The following MUCL1 variants were observed in gnomAD, a reference collection of about 807,000 sequenced individuals.
MUCL1 encodes the protein mucin like 1, also known as mucin-like protein 1.
MUCL1 carries 11 observed loss-of-function variants against 9.2 expected under a neutral mutation model. The observed-to-expected ratio is 1.19, with a 90% CI of 0.75 to 1.97. The LOEUF is 1.97. MUCL1 is among the 30% of genes most tolerant of loss of function. The pLI is 0.00. For synonymous variants in MUCL1, 48 were observed against 40.5 expected, an observed-to-expected ratio of 1.19 and a Z score of -0.71; for missense variants, 144 against 110.9, an observed-to-expected ratio of 1.30 and a Z score of -1.34.
At chr12:54,847,670 C>A (rs1433434514) in intron 1 of MUCL1, among the ~76,000 whole-genome samples, 2 of 151,950 alleles carry the variant, frequency 1.3e-5, no homozygotes, top group African/African-American at 4.8e-5. Flanking sequence ...AAGAGACAAG[C>A]AAATATCAGG....
intron 1 of MUCL1, among the ~76,000 whole-genome samples, chr12:54,841,258 G>C (rs1254815422): frequency 6.6e-6 from 1 of 152,146 alleles, no homozygotes; most frequent in East Asian, 1.9e-4. Flanking sequence ...CCGACACTTA[G>C]ATTGTTTTTC....
intron 1 of MUCL1, among the ~76,000 whole-genome samples, chr12:54,847,343 C>T (rs1959271450): frequency 6.6e-6 from 1 of 152,208 alleles, no homozygotes; most frequent in Non-Finnish European, 1.5e-5. Context: ...AGGCCGGGCA[C>T]AGTGGCTCAC....
intron 1 of MUCL1, among the ~76,000 whole-genome samples, chr12:54,848,292 C>T (rs1371922902): frequency 6.6e-6 from 1 of 152,082 alleles, no homozygotes; most frequent in Non-Finnish European, 1.5e-5. Flanking sequence ...TTGTGATATG[C>T]TCTACATTAG....
At position 54,856,886 on chromosome 12, in the gene MUCL1, A is replaced by C. The variant is rs756110708; in HGVS notation, c.217A>C (p.Ile73Leu). ...TGCTTCTACCACTGCTCGTAAAGAC[A>C]TTCCAGGTAGCAAGACTCCTCCATC... is the stretch of plus-strand genomic sequence containing the variant. ...TAASTTARKD[I>L]PVLPKWVGDL... is the part of the protein sequence containing the mutation. The change falls in exon 3 of 4, where the codon ATT becomes CTT. Residue 73 changes from isoleucine to leucine, a missense_variant. By Grantham distance (5) the Ile-to-Leu change is conservative (BLOSUM62 2). Coordinates refer to ENST00000308796, the MANE Select transcript of MUCL1 (RefSeq NM_058173.3). The C allele has an allele frequency of 7.4e-6, 12 of 1,613,744 alleles. No individual in the cohort carries two copies. The highest frequency in any genetic ancestry group is 8.5e-6 in the Non-Finnish European group (10 of 1,179,802).
chr12:54,840,970 G>A (rs1959208854), intron 1 of MUCL1, among the ~76,000 whole-genome samples: 1 of 152,164 alleles, frequency 6.6e-6, no homozygotes, highest in East Asian at 1.9e-4. Context: ...TGTATAATTT[G>A]ACCAGTAGCT....
intron 1 of MUCL1, among the ~76,000 whole-genome samples, chr12:54,842,491 A>G (rs1287858448): frequency 6.6e-6 from 1 of 152,084 alleles, no homozygotes; most frequent in Non-Finnish European, 1.5e-5. Context: ...TCACATACTT[A>G]TCTTTTTTTG....
At chr12:54,856,482 G>A (rs1347077594) in intron 2 of MUCL1, among the ~76,000 whole-genome samples, 1 of 152,126 alleles carries the variant, frequency 6.6e-6, no homozygotes, top group African/African-American at 2.4e-5. Flanking sequence ...AGGAACACTC[G>A]TGGCCTTGGT....
chr12:54,844,150 T>G (rs946265739), intron 1 of MUCL1, among the ~76,000 whole-genome samples: 4 of 152,220 alleles, frequency 2.6e-5, no homozygotes, highest in Non-Finnish European at 5.9e-5. Flanking sequence ...CTTCCATCAT[T>G]TTTTCAACAT....
Position 54,840,796 on chromosome 12 carries a change from T to A in MUCL1, c.43+1349T>A, listed in dbSNP as rs187772169. Among the ~76,000 whole-genome samples, 111 of 152,030 alleles carry A rather than the reference T, an allele frequency of 7.3e-4. 1 individual carries two copies. Among genetic ancestry groups the A allele is most frequent in the African/African-American group, 2.6e-3 (107 of 41,468 alleles). On this transcript the variant is annotated intron_variant, in intron 1 of 3. Transcript: ENST00000546809. ...CACACAAAAGAATCCACATGGGGAGTGGGGAGTAGCAGGTGGCAGTAAACC... is the reference window on the plus strand; with the variant it reads ...CACACAAAAGAATCCACATGGGGAGAGGGGAGTAGCAGGTGGCAGTAAACC...
chr12:54,840,070 G>T (rs1959202524), intron 1 of MUCL1, among the ~76,000 whole-genome samples: 1 of 152,182 alleles, frequency 6.6e-6, no homozygotes, highest in Non-Finnish European at 1.5e-5. Flanking sequence ...TCAGACTACT[G>T]TGAATGCTAC....
intron 1 of MUCL1, among the ~76,000 whole-genome samples, chr12:54,848,203 A>C (rs1033918347): frequency 1.3e-5 from 2 of 151,774 alleles, no homozygotes; most frequent in African/African-American, 4.8e-5. Flanking sequence ...CTGGTTTTGG[A>C]CCAAGTTCCT....
intron 1 of MUCL1, among the ~76,000 whole-genome samples, chr12:54,845,045 T>A (rs187732319): frequency 6.6e-6 from 1 of 152,318 alleles, no homozygotes; most frequent in Non-Finnish European, 1.5e-5. Flanking sequence ...ATTTGGAGGA[T>A]CCTTCAGACA....
intron 1 of MUCL1, among the ~76,000 whole-genome samples, chr12:54,839,740 G>C (rs1473176856): frequency 6.6e-6 from 1 of 152,180 alleles, no homozygotes; most frequent in Non-Finnish European, 1.5e-5. Flanking sequence ...GGCACTCCTT[G>C]TGTGGGGATG....
intron 1 of MUCL1, among the ~76,000 whole-genome samples, chr12:54,845,378 TG>T (rs1339129878): frequency 3.3e-5 from 5 of 152,238 alleles, no homozygotes; most frequent in African/African-American, 1.2e-4. Flanking sequence ...GCTGTGGTCT[TG>T]GGGCAGGTTT....
At chr12:54,842,188 G>T (rs1401530265) in intron 1 of MUCL1, among the ~76,000 whole-genome samples, 1 of 151,916 alleles carries the variant, frequency 6.6e-6, no homozygotes, top group Admixed American at 6.6e-5. Flanking sequence ...GATAGTTCCT[G>T]CAGAGATGCT....
chr12:54,847,862 T>A (rs1168954160), intron 1 of MUCL1, among the ~76,000 whole-genome samples: 1 of 152,152 alleles, frequency 6.6e-6, no homozygotes, highest in Non-Finnish European at 1.5e-5. Flanking sequence ...CTATAGATCA[T>A]GCTTGGGGCA....
At chr12:54,846,205 A>G (rs555788209) in intron 1 of MUCL1, among the ~76,000 whole-genome samples, 1 of 152,282 alleles carries the variant, frequency 6.6e-6, no homozygotes, top group African/African-American at 2.4e-5. Context: ...CCGTCTGCAG[A>G]TGGCAAAACT....
At chr12:54,848,353 G>A (rs1310266364) in intron 1 of MUCL1, among the ~76,000 whole-genome samples, 1 of 151,976 alleles carries the variant, frequency 6.6e-6, no homozygotes, top group Non-Finnish European at 1.5e-5. Context: ...TAAATTTGGG[G>A]ATTAATAATA....
intron 1 of MUCL1, among the ~76,000 whole-genome samples, chr12:54,848,889 G>T (rs907615470): frequency 6.6e-6 from 1 of 152,108 alleles, no homozygotes; most frequent in Non-Finnish European, 1.5e-5. Context: ...CATATATTGT[G>T]AGTCAAAAAC....
Sources: allele counts gnomAD v4.1 joint callset (sites outside exome capture counted in the v4.1 genomes callset), GRCh38; gene constraint gnomAD v4.1.1; transcripts MANE v1.5; gene names NCBI Gene and HGNC (gene_info 2026-07-23, HGNC 2026-07-21).